GARIN5B: variants seen among roughly 807,000 people sequenced by gnomAD.
GARIN5B encodes Golgi-associated RAB2 interactor protein 5B.
At chr19:55,357,674 C>A in the GARIN5B span, among the ~76,000 whole-genome samples, 1 of 152,232 alleles carries the variant, frequency 6.6e-6, no homozygotes, top group South Asian at 2.1e-4. Flanking sequence ...AGGAGCACAT[C>A]CCACCACCAC....
At chr19:55,358,872 A>G in the GARIN5B span, 6 of 1,548,080 alleles carry the variant, frequency 3.9e-6, no homozygotes, top group Admixed American at 5.9e-5. Flanking sequence ...CGCTGCTCCA[A>G]CTCCTTGGAT....
chr19:55,357,407 C>T, the GARIN5B span, among the ~76,000 whole-genome samples: 3 of 152,186 alleles, frequency 2.0e-5, no homozygotes, highest in South Asian at 2.1e-4. Context: ...CACCTCTGAC[C>T]GCATTTCCCA....
At chr19:55,362,815 C>T in the GARIN5B span, 8 of 1,482,608 alleles carry the variant, frequency 5.4e-6, no homozygotes, top group Non-Finnish European at 7.2e-6. Context: ...TCGTCCCCCA[C>T]ACAGTGACTG....
At chr19:55,356,996 G>A in the GARIN5B span, among the ~76,000 whole-genome samples, 2 of 152,164 alleles carry the variant, frequency 1.3e-5, no homozygotes, top group African/African-American at 4.8e-5. Context: ...GGCAGAGGTT[G>A]CAGTGAGCTG....
chr19:55,355,454 G>A, the GARIN5B span: 1 of 1,154,724 alleles, frequency 8.7e-7, no homozygotes, highest in Non-Finnish European at 1.3e-6. Context: ...GCGTCCCCCA[G>A]GGCGGGTCTT....
At chr19:55,360,759 G>A in the GARIN5B span, 1 of 1,551,746 alleles carries the variant, frequency 6.4e-7, no homozygotes, top group East Asian at 2.4e-5. Context: ...AGGTGGTGAT[G>A]CTGGTCTTCT....
the GARIN5B span, among the ~76,000 whole-genome samples, chr19:55,361,808 C>T: frequency 5.3e-5 from 6 of 113,738 alleles, 2 homozygotes; most frequent in South Asian, 1.9e-3. Flanking sequence ...TCCCTCAGAC[C>T]CAGGAGTCCC....
the GARIN5B span, chr19:55,359,983 T>C: frequency 6.5e-7 from 1 of 1,540,380 alleles, no homozygotes; most frequent in Non-Finnish European, 8.8e-7. Flanking sequence ...TGCAGGCCTG[T>C]AGGTGGACAG....
the GARIN5B span, chr19:55,362,331 C>A: frequency 6.4e-7 from 1 of 1,550,458 alleles, no homozygotes; most frequent in Admixed American, 2.0e-5. Flanking sequence ...CAGGTGGGAG[C>A]CGGCTCCTGA....
chr19:55,361,469 C>T, the GARIN5B span: 1 of 1,464,498 alleles, frequency 6.8e-7, no homozygotes, highest in South Asian at 1.4e-5. Context: ...GGGGCCCGGG[C>T]TTCCACATCT....
At chr19:55,360,994 G>GCC in the GARIN5B span, 1 of 1,549,932 alleles carries the variant, frequency 6.5e-7, no homozygotes, top group Non-Finnish European at 8.7e-7. Context: ...AAGACCCCAC[G>GCC]CCCACTTCTT....
At chr19:55,359,894 T>A in the GARIN5B span, 1 of 1,551,420 alleles carries the variant, frequency 6.4e-7, no homozygotes, top group South Asian at 1.2e-5. Context: ...AAAGAAGCCA[T>A]CAGGGCTGTC....
chr19:55,355,260 C>A, the GARIN5B span: 22 of 1,521,016 alleles, frequency 1.4e-5, no homozygotes, highest in Middle Eastern at 2.0e-4. Flanking sequence ...TAAAGGGTAC[C>A]TGGCAGCGCT....
the GARIN5B span, chr19:55,362,593 C>T: frequency 6.5e-7 from 1 of 1,543,918 alleles, no homozygotes; most frequent in East Asian, 2.5e-5. Context: ...CAGCACGAGG[C>T]CGGAGCAGTC....
the GARIN5B span, chr19:55,359,468 G>A: frequency 1.3e-6 from 2 of 1,546,924 alleles, no homozygotes; most frequent in Non-Finnish European, 1.7e-6. Context: ...CTGGGATGGA[G>A]CAGGTACGGC....
the GARIN5B span, chr19:55,355,238 T>C: frequency 1.0e-6 from 1 of 956,100 alleles, no homozygotes. Flanking sequence ...CTAAGGCAGA[T>C]CTCCAGGGTC....
chr19:55,358,967 T>A, the GARIN5B span: 1 of 1,551,192 alleles, frequency 6.4e-7, no homozygotes, highest in Non-Finnish European at 8.7e-7. Context: ...CCTGAAGGCC[T>A]CCAGGGTCAC....
chr19:55,363,227 G>A, the GARIN5B span: 38 of 690,208 alleles, frequency 5.5e-5, no homozygotes, highest in African/African-American at 6.6e-4. The surrounding 1 kb of genome is among the most constrained non-coding windows in gnomAD (Gnocchi z 4.0). Context: ...TCGGGCCTCC[G>A]CCATGGCCCT....
chr19:55,362,583 C>T, the GARIN5B span: 33 of 1,540,664 alleles, frequency 2.1e-5, no homozygotes, highest in African/African-American at 2.9e-4. Context: ...GGCACCTGGT[C>T]AGCACGAGGC....
Sources: gnomAD v4.1 joint callset for allele counts (sites outside exome capture counted in the v4.1 genomes callset) on GRCh38, gnomAD v4.1.1 for gene constraint, Gnocchi (gnomAD v3.1) non-coding constraint, MANE v1.5 for transcripts, NCBI Gene and HGNC (gene_info 2026-07-23, HGNC 2026-07-21) for gene names.